Variants in STXBP5 observed in about 807,000 individuals in gnomAD.
STXBP5 encodes syntaxin binding protein 5.
In STXBP5, 50 loss-of-function variants were observed where a neutral mutation model predicts 152.4. The observed-to-expected ratio is 0.33, with a 90% CI of 0.26 to 0.42. The LOEUF is 0.42. Among genes scored for constraint, STXBP5 ranks in the 10% least tolerant of loss-of-function variants. The pLI, the probability that STXBP5 is intolerant of heterozygous loss-of-function variation, is 1.00. For missense variants in STXBP5, 1,167 were observed against 1,388.6 expected (o/e 0.84, Z 2.54); for synonymous variants, 492 against 494.7 (o/e 0.99, Z 0.07).
At chr6:147,287,424 G>A (rs572864315) in intron 8 of STXBP5, among the ~76,000 whole-genome samples, 109 of 151,638 alleles carry the variant, frequency 7.2e-4, no homozygotes, top group Non-Finnish European at 1.4e-3. Flanking sequence ...GGATGGTCTC[G>A]ATCTCCTGAC....
At chr6:147,259,789 T>G (rs1165019917) in intron 4 of STXBP5, among the ~76,000 whole-genome samples, 1 of 152,100 alleles carries the variant, frequency 6.6e-6, no homozygotes, top group Non-Finnish European at 1.5e-5. Context: ...ACCTTTTTTT[T>G]TTAACTAAAA....
chr6:147,378,445 A>G (rs1562278326), intron 26 of STXBP5, among the ~76,000 whole-genome samples: 1 of 151,288 alleles, frequency 6.6e-6, no homozygotes, highest in Non-Finnish European at 1.5e-5. Flanking sequence ...TCCGTTCCTG[A>G]TAGAGACTCC....
intron 18 of STXBP5, among the ~76,000 whole-genome samples, chr6:147,331,538 G>C (rs1783568812): frequency 6.6e-6 from 1 of 152,078 alleles, no homozygotes; most frequent in Non-Finnish European, 1.5e-5. Flanking sequence ...CATGAAGTTG[G>C]TGTGATTATT....
chr6:147,340,209 G>A (rs112766240), intron 21 of STXBP5, among the ~76,000 whole-genome samples: 2 of 151,998 alleles, frequency 1.3e-5, no homozygotes, highest in African/African-American at 4.8e-5. Context: ...GAATTTCTAG[G>A]CAGATGGAAT....
intron 2 of STXBP5, among the ~76,000 whole-genome samples, chr6:147,234,604 A>G (rs1482574043): frequency 6.6e-6 from 1 of 151,950 alleles, no homozygotes; most frequent in East Asian, 1.9e-4. Flanking sequence ...TTTCATAATA[A>G]TGCCTAATGT....
At chr6:147,237,191 A>G (rs1778319789) in intron 3 of STXBP5, among the ~76,000 whole-genome samples, 1 of 152,220 alleles carries the variant, frequency 6.6e-6, no homozygotes, top group South Asian at 2.1e-4. Flanking sequence ...TCTTAAATTT[A>G]TGCTATTTTT....
At chr6:147,287,142 A>G (rs1781006912) in intron 8 of STXBP5, among the ~76,000 whole-genome samples, 1 of 146,082 alleles carries the variant, frequency 6.8e-6, no homozygotes, top group Admixed American at 6.9e-5. Flanking sequence ...TCAAACATTT[A>G]TCGTTTGAGT....
intron 7 of STXBP5, among the ~76,000 whole-genome samples, chr6:147,272,198 C>CTTA (rs1209527787): frequency 6.6e-6 from 1 of 152,030 alleles, no homozygotes; most frequent in Non-Finnish European, 1.5e-5. Context: ...ACCTGTTGTA[C>CTTA]TTAGACTCTT....
chr6:147,257,842 TTGTTGGCTCATAGTTC>T (rs1357254912), intron 4 of STXBP5, among the ~76,000 whole-genome samples: 11 of 152,236 alleles, frequency 7.2e-5, no homozygotes, highest in African/African-American at 2.7e-4. Flanking sequence ...AACAGCCATT[TTGTTGGCTCATAGTTC>T]TGTTGGGTCG....
chr6:147,277,886 A>T (rs1257318054), intron 7 of STXBP5, among the ~76,000 whole-genome samples, 195 bp from the exon 8 acceptor site: 1 of 152,178 alleles, frequency 6.6e-6, no homozygotes, highest in East Asian at 1.9e-4. Flanking sequence ...ACAGAGAATT[A>T]AAACAGTGTT....
chr6:147,312,791 T>A (rs548260625), intron 11 of STXBP5, among the ~76,000 whole-genome samples: 14 of 152,312 alleles, frequency 9.2e-5, no homozygotes, highest in African/African-American at 3.1e-4. Flanking sequence ...TTTGAAAATA[T>A]TATTTCTGTC....
At chr6:147,285,134 G>A (rs896339042) in intron 8 of STXBP5, among the ~76,000 whole-genome samples, 1 of 152,084 alleles carries the variant, frequency 6.6e-6, no homozygotes, top group African/African-American at 2.4e-5. Context: ...ATCAGATGTG[G>A]CATGGAAGTT....
intron 21 of STXBP5, among the ~76,000 whole-genome samples, chr6:147,346,846 A>G (rs1784361184): frequency 6.6e-6 from 1 of 152,214 alleles, no homozygotes; most frequent in Non-Finnish European, 1.5e-5. Flanking sequence ...ATACAAACTT[A>G]GTATTTCCAG....
chr6:147,302,841 G>A (rs1235295896), intron 9 of STXBP5, among the ~76,000 whole-genome samples: 1 of 152,172 alleles, frequency 6.6e-6, no homozygotes, highest in Non-Finnish European at 1.5e-5. Context: ...TATTTGGTGA[G>A]ATACAGATAT....
chr6:147,254,519 C>T (rs769682630), intron 4 of STXBP5, among the ~76,000 whole-genome samples: 7 of 152,064 alleles, frequency 4.6e-5, no homozygotes, highest in South Asian at 2.1e-4. Flanking sequence ...CTACAGAATG[C>T]GAGAAAATTT....
At chr6:147,236,534 A>G (rs951400101) in intron 3 of STXBP5, among the ~76,000 whole-genome samples, 2 of 152,164 alleles carry the variant, frequency 1.3e-5, no homozygotes, top group Non-Finnish European at 2.9e-5. Context: ...CATCAAAACA[A>G]TACTATTAAC....
chr6:147,209,718 C>T (rs1472148771), intron 2 of STXBP5, among the ~76,000 whole-genome samples: 11 of 152,104 alleles, frequency 7.2e-5, no homozygotes, highest in Admixed American at 5.9e-4. Flanking sequence ...TGACATTACA[C>T]AAAGTCAGGT....
chr6:147,237,785 T>C (rs1582824775), intron 3 of STXBP5, among the ~76,000 whole-genome samples: 1 of 152,174 alleles, frequency 6.6e-6, no homozygotes, highest in Non-Finnish European at 1.5e-5. Flanking sequence ...TTCTTCTGAG[T>C]AGATGAGAAA....
intron 23 of STXBP5, among the ~76,000 whole-genome samples, chr6:147,360,685 G>T (rs1785025716): frequency 6.6e-6 from 1 of 152,094 alleles, no homozygotes; most frequent in African/African-American, 2.4e-5. Flanking sequence ...TTTCTACTTT[G>T]AAGTGTTAGG....
Sources: allele counts gnomAD v4.1 joint callset (sites outside exome capture counted in the v4.1 genomes callset), GRCh38; gene constraint gnomAD v4.1.1; transcripts MANE v1.5; gene names NCBI Gene and HGNC (gene_info 2026-07-23, HGNC 2026-07-21).